Variants in CEP41 observed in about 807,000 individuals in gnomAD.
The protein encoded by CEP41 is centrosomal protein 41, also known as centrosomal protein of 41 kDa.
A neutral mutation model predicts 44.3 loss-of-function variants in CEP41; 32 were observed. That is an observed-to-expected ratio of 0.72 (90% CI 0.54 to 0.97). The LOEUF (loss-of-function observed/expected upper bound fraction) is 0.97. Among genes scored for constraint, CEP41 ranks in the 50% least tolerant of loss-of-function variants. The pLI is 0.00. For synonymous variants in CEP41, 151 were observed against 168.5 expected (o/e 0.90, Z 0.80); for missense variants, 432 against 455.2 (o/e 0.95, Z 0.46).
At position 130,395,484 on chromosome 7, in the gene CEP41, G is replaced by A; in HGVS notation, c.*3407C>T. ...GAAAGGTTCTTACTGATTATCTTCA[G>A]AGTAGAGCAAGAAGGTGGTCATGGA... On this transcript the variant is annotated 3_prime_UTR_variant, in exon 11 of 11. Coordinates refer to ENST00000223208, the MANE Select transcript of CEP41 (RefSeq NM_018718.3). 2.2e-6 allele frequency: 1 copy of A among 454,138 alleles called. No individual in the cohort carries two copies. The highest frequency in any genetic ancestry group is 4.4e-6 in the Non-Finnish European group (1 of 226,792). The allele number at this position is 454,138 out of a possible 1,614,324, so 28.1% of individuals were successfully genotyped here.
In CEP41 at chr7:130,394,196, G is replaced by A. The variant is rs1342046399; in HGVS notation, c.*4695C>T. On this transcript the variant is annotated 3_prime_UTR_variant, in exon 11 of 11. Coordinates refer to ENST00000223208, the MANE Select transcript of CEP41 (RefSeq NM_018718.3). Reference sequence around the variant, plus strand: ...GTGAGAAGCATAGAGCGGAGTGGCTGAAAGAACACCCTCTGGAGCCACAGT... The same window carrying A: ...GTGAGAAGCATAGAGCGGAGTGGCTAAAAGAACACCCTCTGGAGCCACAGT... 3 of 454,036 alleles carry A rather than the reference G, an allele frequency of 6.6e-6. No individual in the cohort carries two copies. Among genetic ancestry groups the A allele is most frequent in the East Asian group, 7.0e-5 (1 of 14,384 alleles). 28.1% of individuals were successfully genotyped at this position (454,036 alleles called of 1,614,324 possible). A position where few individuals can be genotyped will look rare whatever the true frequency, so the allele number is the denominator to read the frequency against.
chr7:130,412,554 T>C (rs970757883), intron 3 of CEP41, among the ~76,000 whole-genome samples: 1 of 152,222 alleles, frequency 6.6e-6, no homozygotes, highest in African/African-American at 2.4e-5. Context: ...TCGACCACAT[T>C]GTACTCCACG....
Position 130,440,956 on chromosome 7 carries a change from C to T in CEP41, c.11G>A (p.Arg4Gln), listed in dbSNP as rs371561300. The change falls in exon 1 of 11, where the codon CGG (arginine) becomes CAG (glutamine). Residue 4 changes from arginine to glutamine, a missense_variant. Coordinates refer to ENST00000223208, the MANE Select transcript of CEP41 (RefSeq NM_018718.3). MSLRRHIGNPEYLM... is the reference protein window; with the variant it reads MSLQRHIGNPEYLM... ...CACCTCAGGGTTCCCAATGTGCCTCCGGAGGGACATATTTTCTCCAACCGA... is the reference window on the plus strand; with the variant it reads ...CACCTCAGGGTTCCCAATGTGCCTCTGGAGGGACATATTTTCTCCAACCGA... 2 of 1,612,824 alleles carry T rather than the reference C, an allele frequency of 1.2e-6. No individual in the cohort carries two copies. Among genetic ancestry groups the T allele is most frequent in the East Asian group, 2.2e-5 (1 of 44,778 alleles).
Position 130,397,746 on chromosome 7 carries a change from C to T in CEP41, c.*1145G>A, listed in dbSNP as rs183465584. On this transcript the variant is annotated 3_prime_UTR_variant, in exon 11 of 11. Transcript: ENST00000223208. ...CAGAGTTCCTCATCCTTACCTGAGGCCTTTTGTTCCCCCAATTAAATGGAA... is the reference window on the plus strand; with the variant it reads ...CAGAGTTCCTCATCCTTACCTGAGGTCTTTTGTTCCCCCAATTAAATGGAA... 2.2e-6 allele frequency: 1 copy of T among 451,304 alleles called. No individual in the cohort carries two copies. Among genetic ancestry groups the T allele is most frequent in the East Asian group, 7.0e-5 (1 of 14,342 alleles). 28.0% of individuals were successfully genotyped at this position (451,304 alleles called of 1,614,324 possible). A position where few individuals can be genotyped will look rare whatever the true frequency, so the allele number is the denominator to read the frequency against.
At chr7:130,411,281 A>C in intron 4 of CEP41, 90 bp from the exon 5 acceptor site, 1 of 1,002,616 alleles carries the variant, frequency 1.0e-6, no homozygotes, top group Non-Finnish European at 1.6e-6. Flanking sequence ...GGAACAACAA[A>C]CATCAAAGAT....
intron 2 of CEP41, among the ~76,000 whole-genome samples, chr7:130,418,055 T>G (rs1211104046): frequency 1.3e-5 from 2 of 152,240 alleles, no homozygotes; most frequent in South Asian, 4.1e-4. Flanking sequence ...ATCTTTACCA[T>G]GAATTCATCA....
intron 1 of CEP41, among the ~76,000 whole-genome samples, chr7:130,433,733 A>G (rs1554425610): frequency 6.6e-6 from 1 of 152,206 alleles, no homozygotes; most frequent in Non-Finnish European, 1.5e-5. Context: ...TCAAATGGAA[A>G]TCTCTTCCTT....
rs905530146 is a variant in CEP41, at chr7:130,403,154, C to T, written c.423-355G>A. On this transcript the variant is annotated intron_variant, in intron 6 of 10. Transcript: ENST00000223208. Reference sequence around the variant, plus strand: ...GAGGGGAACTGTGAATCCAGTAGAGCGAAAGAGGGAAGAATATGGTTGGTA... The same window carrying T: ...GAGGGGAACTGTGAATCCAGTAGAGTGAAAGAGGGAAGAATATGGTTGGTA... 3.9e-5 allele frequency among the ~76,000 whole-genome samples: 6 copies of T among 151,902 alleles called. 1 individual carries two copies. Among genetic ancestry groups the T allele is most frequent in the Middle Eastern group, 6.3e-3 (2 of 316 alleles).
intron 7 of CEP41, 51 bp from the exon 8 acceptor site, chr7:130,401,999 T>G (rs1554417055): frequency 1.6e-6 from 2 of 1,241,424 alleles, no homozygotes; most frequent in Admixed American, 1.7e-5. Flanking sequence ...TTAATACAAC[T>G]TGGCCTCAAT....
intron 10 of CEP41, chr7:130,399,322 TA>T (rs1268356097): frequency 8.5e-6 from 4 of 468,188 alleles, no homozygotes; most frequent in Non-Finnish European, 1.6e-5. Context: ...ACTTCCTTGG[TA>T]GAGAGGATGC....
upstream of CEP41, chr7:130,441,317 C>G (rs1341013097): frequency 2.0e-5 from 9 of 452,746 alleles, no homozygotes; most frequent in East Asian, 3.7e-4. Context: ...GCTTGAGAGC[C>G]GGGACAAAAC....
Position 130,398,009 on chromosome 7 carries a change from C to A in CEP41, c.*882G>T, listed in dbSNP as rs1796721460. On this transcript the variant is annotated 3_prime_UTR_variant, in exon 11 of 11. Transcript: ENST00000223208. The stretch of plus-strand genomic sequence containing the variant: ...ACCTTGTGTGTCCACAGTTGTCCAA[C>A]CAAAGCTGGTATTTTCAACTGGCCA... 1 of 454,322 alleles carries A rather than the reference C, an allele frequency of 2.2e-6. No homozygotes were observed. The highest frequency in any genetic ancestry group is 6.9e-4 in the Middle Eastern group (1 of 1,444). The allele number at this position is 454,322 out of a possible 1,614,324, so 28.1% of individuals were successfully genotyped here. A position where few individuals can be genotyped will look rare whatever the true frequency, so the allele number is the denominator to read the frequency against.
At chr7:130,426,161 T>A (rs974944062) in intron 2 of CEP41, among the ~76,000 whole-genome samples, 4 of 152,244 alleles carry the variant, frequency 2.6e-5, no homozygotes, top group Non-Finnish European at 5.9e-5. Flanking sequence ...AAAGCGTACA[T>A]GGAATCTCTC....
chr7:130,428,930 T>A (rs1336624044), intron 1 of CEP41, among the ~76,000 whole-genome samples: 3 of 151,598 alleles, frequency 2.0e-5, no homozygotes, highest in African/African-American at 7.3e-5. Context: ...AATAAATAAA[T>A]AAATAAATAA....
rs1291965485 is a variant in CEP41 at position 130,395,719 on chromosome 7, T to G, written c.*3172A>C. 2 of 453,760 alleles carry G rather than the reference T, an allele frequency of 4.4e-6. No homozygotes were observed. The highest frequency in any genetic ancestry group is 2.0e-5 in the African/African-American group (1 of 49,944). The allele number at this position is 453,760 out of a possible 1,614,324, so 28.1% of individuals were successfully genotyped here. ...ACACGATTTTTTGTTTTGTTCTGTT[T>G]TCTTGGTCGAGTAGCCTAAAGTCTT... On this transcript the variant is annotated 3_prime_UTR_variant, in exon 11 of 11. Transcript: ENST00000223208.
chr7:130,420,917 A>G, intron 2 of CEP41: 1 of 977,808 alleles, frequency 1.0e-6, no homozygotes, highest in Non-Finnish European at 1.2e-6. Flanking sequence ...TGCACACCTG[A>G]TTTTCTTTAA....
intron 3 of CEP41, among the ~76,000 whole-genome samples, chr7:130,416,548 C>T (rs1554420933): frequency 6.6e-6 from 1 of 152,122 alleles, no homozygotes; most frequent in Non-Finnish European, 1.5e-5. Context: ...ATATTATTAC[C>T]CCCTATCTCA....
chr7:130,398,775 A>G lies in CEP41; in HGVS notation c.*116T>C, dbSNP rs1554416011. On this transcript the variant is annotated 3_prime_UTR_variant, in exon 11 of 11. Transcript: ENST00000223208. ...CAGGGACAGGGAAGAGGCCTATCCC[A>G]TACATATGTCATGGTCTTTCCTCTG... 1 of 1,236,896 alleles carries G rather than the reference A, an allele frequency of 8.1e-7. No individual in the cohort carries two copies. Among genetic ancestry groups the G allele is most frequent in the East Asian group, 2.3e-5 (1 of 43,110 alleles). 76.6% of individuals were successfully genotyped at this position (1,236,896 alleles called of 1,614,324 possible). A position where few individuals can be genotyped will look rare whatever the true frequency, so the allele number is the denominator to read the frequency against.
At chr7:130,402,844 T>C in intron 6 of CEP41, 45 bp from the exon 7 acceptor site, 1 of 1,608,634 alleles carries the variant, frequency 6.2e-7, no homozygotes, top group Non-Finnish European at 8.5e-7. Context: ...CAGAGGTTGG[T>C]GGCTTAAAGG....
Sources: gnomAD v4.1 joint callset for allele counts (sites outside exome capture counted in the v4.1 genomes callset) on GRCh38, gnomAD v4.1.1 for gene constraint, MANE v1.5 for transcripts, NCBI Gene and HGNC (gene_info 2026-07-23, HGNC 2026-07-21) for gene names.